Variants in CSNK2A2IP observed in about 807,000 individuals in gnomAD.
CSNK2A2IP encodes the protein casein kinase 2 subunit alpha' interacting protein.
chr3:88,396,716 C>G, the CSNK2A2IP span, among the ~76,000 whole-genome samples: 1 of 152,146 alleles, frequency 6.6e-6, no homozygotes, highest in Admixed American at 6.5e-5. Context: ...AGCCAAATCT[C>G]TATTCTAAAT....
At chr3:88,341,137 A>T in the CSNK2A2IP span, among the ~76,000 whole-genome samples, 5 of 151,984 alleles carry the variant, frequency 3.3e-5, no homozygotes, top group Non-Finnish European at 7.4e-5. Context: ...AATTGAATTT[A>T]TAAGTATTTG....
At chr3:88,399,974 A>C in the CSNK2A2IP span, 1 of 152,220 alleles carries the variant, frequency 6.6e-6, no homozygotes, top group African/African-American at 2.4e-5. Flanking sequence ...AAAGTATAAA[A>C]CATTATCATA....
At chr3:88,394,749 G>A in the CSNK2A2IP span, among the ~76,000 whole-genome samples, 27 of 152,132 alleles carry the variant, frequency 1.8e-4, no homozygotes, top group African/African-American at 6.0e-4. Flanking sequence ...TTTGCCTTTC[G>A]TGAAAACTTT....
the CSNK2A2IP span, among the ~76,000 whole-genome samples, chr3:88,416,368 T>G: frequency 6.6e-6 from 1 of 152,094 alleles, no homozygotes; most frequent in South Asian, 2.1e-4. Context: ...CCACTTGCCT[T>G]TGCTTTTTGT....
At chr3:88,364,790 T>A in the CSNK2A2IP span, among the ~76,000 whole-genome samples, 1 of 152,176 alleles carries the variant, frequency 6.6e-6, no homozygotes, top group Non-Finnish European at 1.5e-5. Context: ...TTTATCTATG[T>A]GGAAAATACA....
the CSNK2A2IP span, among the ~76,000 whole-genome samples, chr3:88,463,644 A>T: frequency 6.6e-6 from 1 of 152,188 alleles, no homozygotes; most frequent in Admixed American, 6.5e-5. Flanking sequence ...TTAAAAAGTC[A>T]GGAAACAACA....
chr3:88,454,645 A>G, the CSNK2A2IP span, among the ~76,000 whole-genome samples: 3 of 151,820 alleles, frequency 2.0e-5, no homozygotes, highest in African/African-American at 7.2e-5. Flanking sequence ...TCTTTTTTCC[A>G]GTTTTATTGA....
chr3:88,347,191 G>A, the CSNK2A2IP span, among the ~76,000 whole-genome samples: 1 of 151,980 alleles, frequency 6.6e-6, no homozygotes, highest in Admixed American at 6.6e-5. Context: ...AAAGAAAGTG[G>A]TTTCTTGTCT....
chr3:88,464,845 C>T, the CSNK2A2IP span, among the ~76,000 whole-genome samples: 473 of 152,088 alleles, frequency 3.1e-3, 2 homozygotes, highest in African/African-American at 0.01. Context: ...AATATATATA[C>T]GTTTGTTTAT....
the CSNK2A2IP span, among the ~76,000 whole-genome samples, chr3:88,413,868 A>T: frequency 6.6e-6 from 1 of 152,068 alleles, no homozygotes; most frequent in Non-Finnish European, 1.5e-5. Flanking sequence ...AAAATGGTTA[A>T]TCAAACCAGT....
chr3:88,451,361 T>C, the CSNK2A2IP span, among the ~76,000 whole-genome samples: 1 of 152,068 alleles, frequency 6.6e-6, no homozygotes, highest in Non-Finnish European at 1.5e-5. Context: ...AATATACCTA[T>C]TGGCCATTTT....
At chr3:88,454,945 C>T in the CSNK2A2IP span, among the ~76,000 whole-genome samples, 44 of 151,898 alleles carry the variant, frequency 2.9e-4, no homozygotes, top group Middle Eastern at 3.4e-3. Flanking sequence ...GTGTGTTTGA[C>T]CTTTTATTAG....
chr3:88,464,973 T>C, the CSNK2A2IP span: 441 of 161,168 alleles, frequency 2.7e-3, 2 homozygotes, highest in African/African-American at 9.8e-3. Flanking sequence ...GCAGCACATG[T>C]AGTGGCTGGA....
At chr3:88,443,891 T>TA in the CSNK2A2IP span, among the ~76,000 whole-genome samples, 146 of 150,514 alleles carry the variant, frequency 9.7e-4, no homozygotes, top group Middle Eastern at 3.5e-3. Flanking sequence ...ATTAGAGTAA[T>TA]AAAAAAAAAA....
At chr3:88,433,335 A>C in the CSNK2A2IP span, among the ~76,000 whole-genome samples, 3 of 151,990 alleles carry the variant, frequency 2.0e-5, no homozygotes, top group African/African-American at 4.8e-5. Flanking sequence ...AGCAAAGATA[A>C]TTTTTTGGTG....
chr3:88,357,151 G>A, the CSNK2A2IP span, among the ~76,000 whole-genome samples: 1 of 151,984 alleles, frequency 6.6e-6, no homozygotes, highest in African/African-American at 2.4e-5. Context: ...TTATTTGCCT[G>A]TGTTTTTGAG....
chr3:88,368,903 A>G, the CSNK2A2IP span, among the ~76,000 whole-genome samples: 1 of 152,082 alleles, frequency 6.6e-6, no homozygotes, highest in South Asian at 2.1e-4. Context: ...CTTTCTCACA[A>G]GCTCTGTAAA....
At chr3:88,465,236 A>T in the CSNK2A2IP span, 1 of 504,902 alleles carries the variant, frequency 2.0e-6, no homozygotes, top group African/African-American at 2.0e-5. Flanking sequence ...ATTGCAAGAT[A>T]AAAGCTAGCA....
At chr3:88,380,024 T>C in the CSNK2A2IP span, among the ~76,000 whole-genome samples, 1 of 152,122 alleles carries the variant, frequency 6.6e-6, no homozygotes, top group South Asian at 2.1e-4. Context: ...GTAAAACATT[T>C]AAGTAAAACT....
Sources: allele counts gnomAD v4.1 joint callset (sites outside exome capture counted in the v4.1 genomes callset), GRCh38; gene constraint gnomAD v4.1.1; transcripts MANE v1.5; gene names NCBI Gene and HGNC (gene_info 2026-07-23, HGNC 2026-07-21).